The following IQSEC3 variants were observed in gnomAD, a reference collection of about 807,000 sequenced individuals.
The protein encoded by IQSEC3 is IQ motif and SEC7 domain-containing protein 3.
IQSEC3 carries 50 observed loss-of-function variants against 105.4 expected under a neutral mutation model. That is an observed-to-expected ratio of 0.47 (90% CI 0.38 to 0.60). The LOEUF (loss-of-function observed/expected upper bound fraction) is 0.60. Ranked by LOEUF, IQSEC3 falls within the 20% of genes least tolerant of loss-of-function variation. IQSEC3 has a pLI of 0.00. For missense variants in IQSEC3, 1,415 were observed against 1,630.0 expected, an observed-to-expected ratio of 0.87 and a Z score of 2.27; for synonymous variants, 708 against 746.0, an observed-to-expected ratio of 0.95 and a Z score of 0.83.
At position 174,871 on chromosome 12, in the gene IQSEC3, C is replaced by T. The variant is rs771738070; in HGVS notation, c.3387C>T (p.Cys1129=). Residue 1129 remains cysteine (C), a synonymous_variant, in exon 14 of 14, where the codon TGC becomes TGT. Coordinates refer to ENST00000538872, the MANE Select transcript of IQSEC3 (RefSeq NM_001170738.2). Reference sequence around the variant, plus strand: ...ACACCTCGTCGTCCTCTGACTCCTGCGGCTCCACACCCCTGGGCGGTCCCG... The same window carrying T: ...ACACCTCGTCGTCCTCTGACTCCTGTGGCTCCACACCCCTGGGCGGTCCCG... The part of the protein sequence containing the change: ...SCYTSSSSDS[C]GSTPLGGPGS... 6.5e-5 allele frequency: 103 copies of T among 1,576,994 alleles called. No individual in the cohort carries two copies. In the African/African-American group the frequency reaches 1.2e-3, roughly 18 times the overall value.
At chr12:110,230 T>G (rs1429291466) in intron 2 of IQSEC3, among the ~76,000 whole-genome samples, 2 of 152,198 alleles carry the variant, frequency 1.3e-5, no homozygotes, top group Non-Finnish European at 2.9e-5. Flanking sequence ...CTTCCCTCAG[T>G]AATTCCTTAA....
intron 3 of IQSEC3, among the ~76,000 whole-genome samples, chr12:130,092 G>T (rs141223778): frequency 6.6e-6 from 1 of 152,152 alleles, no homozygotes; most frequent in Non-Finnish European, 1.5e-5. Flanking sequence ...CCCTCTCCCC[G>T]GTTCATTCAG....
At position 169,074 on chromosome 12, in the gene IQSEC3, G is replaced by A. The variant is rs1274277703; in HGVS notation, c.3033G>A (p.Gly1011=). The A allele has an allele frequency of 1.9e-6, 3 of 1,613,882 alleles. No individual in the cohort carries two copies. The highest frequency in any genetic ancestry group is 2.2e-5 in the East Asian group (1 of 44,888). The part of the protein sequence containing the change: ...TLSFKPCGAQ[G]DPQSKQGSPT... The stretch of plus-strand genomic sequence containing the variant: ...CCTTCAAGCCCTGCGGAGCCCAGGG[G>A]GACCCACAGTCAAAGCAAGGATCGC... Residue 1011 remains glycine (G), a synonymous_variant, in exon 12 of 14, where the codon GGG becomes GGA. Transcript: ENST00000538872.
intron 1 of IQSEC3, among the ~76,000 whole-genome samples, chr12:84,359 T>C (rs1049986902): frequency 6.6e-6 from 1 of 152,200 alleles, no homozygotes; most frequent in Non-Finnish European, 1.5e-5. Flanking sequence ...GTGGCCCATA[T>C]GGTCAGGAGG....
rs1362868847 is a variant in IQSEC3, at chr12:174,750, C to A, written c.3266C>A (p.Thr1089Asn). 2.5e-6 allele frequency: 4 copies of A among 1,592,046 alleles called. No homozygotes were observed. Among genetic ancestry groups the A allele is most frequent in the East Asian group, 2.2e-5 (1 of 44,742 alleles). The change falls in exon 14 of 14, where the codon ACC becomes AAC. Residue 1089 changes from threonine (T) to asparagine (N), a missense_variant. Thr to Asn is a moderately conservative substitution (Grantham distance 65). Coordinates refer to ENST00000538872, the MANE Select transcript of IQSEC3 (RefSeq NM_001170738.2). The part of the protein sequence containing the change: ...LPPPPPTPPG[T>N]LVQCQQIVKV... ...CCGCCGCCACCCACGCCCCCGGGCA[C>A]CCTGGTGCAGTGCCAGCAAATTGTC...
intron 5 of IQSEC3, 45 bp downstream of exon 5, chr12:141,330 C>T: frequency 6.3e-7 from 1 of 1,584,668 alleles, no homozygotes; most frequent in Non-Finnish European, 8.6e-7. Context: ...TTCCCACACC[C>T]CACCTGCCCG....
chr12:149,643 G>A (rs568706552), intron 5 of IQSEC3, among the ~76,000 whole-genome samples: 10 of 152,338 alleles, frequency 6.6e-5, no homozygotes, highest in East Asian at 1.9e-4. Context: ...CCGTAGCCTC[G>A]TGGGGAAGAC....
Position 138,470 on chromosome 12 carries a change from G to A in IQSEC3, c.1107G>A (p.Ala369=), listed in dbSNP as rs143025838. The A allele has an allele frequency of 5.1e-3, 8,200 of 1,599,994 alleles. 34 individuals are homozygous for A. Among genetic ancestry groups the A allele is most frequent in the South Asian group, 8.7e-3 (783 of 90,480 alleles). Residue 369 remains alanine (A), a synonymous_variant, in exon 4 of 14, where the codon GCG becomes GCA. Transcript: ENST00000538872. This position sits in a 1 kb window ranked among gnomAD's most constrained non-coding sequence, Gnocchi z 7.1. ...PTAESLAAEK[A]LMEGYGLVGL... Reference sequence around the variant, plus strand: ...CCGAGAGCCTGGCGGCCGAGAAAGCGCTCATGGAGGGCTACGGCCTCGTGG... The same window carrying A: ...CCGAGAGCCTGGCGGCCGAGAAAGCACTCATGGAGGGCTACGGCCTCGTGG...
intron 2 of IQSEC3, among the ~76,000 whole-genome samples, chr12:100,512 AG>A: frequency 6.6e-6 from 1 of 152,242 alleles, no homozygotes; most frequent in African/African-American, 2.4e-5. Context: ...TTTGCCTCAT[AG>A]GGGAGCCAGC....
chr12:154,857 G>T (rs1233267473), intron 5 of IQSEC3, among the ~76,000 whole-genome samples: 3 of 151,706 alleles, frequency 2.0e-5, no homozygotes, highest in Non-Finnish European at 4.4e-5. Context: ...TTTCCTCCTT[G>T]CCTGTCCCTC....
At chr12:163,303 CCCCT>C (rs1867001894) in intron 8 of IQSEC3, among the ~76,000 whole-genome samples, 187 bp from the exon 9 acceptor site, 2 of 76,262 alleles carry the variant, frequency 2.6e-5, no homozygotes, top group Non-Finnish European at 5.6e-5. Context: ...CCCCTCCCCT[CCCCT>C]CCCTCCACAG....
rs59241356 is a variant in IQSEC3 at position 167,576 on chromosome 12, G to GAA, written c.2972-1424_2972-1423dup. ...GGAGACAGGGAGGAAAGGAAGCCAG[G>GAA]AAAAAAAAAAAAAAGAAAATGGGCT... On this transcript the variant is annotated intron_variant, in intron 11 of 13. Coordinates refer to ENST00000538872, the MANE Select transcript of IQSEC3 (RefSeq NM_001170738.2). 8.0e-4 allele frequency: 111 copies of GAA among 138,328 alleles called. 2 individuals carry two copies. Among genetic ancestry groups the GAA allele is most frequent in the East Asian group, 1.3e-3 (6 of 4,740 alleles). 8.6% of individuals were successfully genotyped at this position (138,328 alleles called of 1,614,324 possible).
chr12:76,209 G>A (rs904677), intron 1 of IQSEC3, among the ~76,000 whole-genome samples: 25 of 152,336 alleles, frequency 1.6e-4, no homozygotes, highest in African/African-American at 5.5e-4. Context: ...CATTGTGGCC[G>A]TATCTCTGGG....
At chr12:106,208 G>T (rs978407466) in intron 2 of IQSEC3, among the ~76,000 whole-genome samples, 1 of 152,228 alleles carries the variant, frequency 6.6e-6, no homozygotes, top group Non-Finnish European at 1.5e-5. Flanking sequence ...CTTGAGCATG[G>T]TCCATGTGGC....
At position 109,984 on chromosome 12, in the gene IQSEC3, C is replaced by T. The variant is rs151290285; in HGVS notation, c.623+10770C>T. Among the ~76,000 whole-genome samples the T allele has an allele frequency of 8.5e-5, 13 of 152,240 alleles. 1 individual carries two copies. The South Asian group carries it at 1.9e-3, about 22-fold the overall frequency. On this transcript the variant is annotated intron_variant, in intron 2 of 13. Coordinates refer to ENST00000538872, the MANE Select transcript of IQSEC3 (RefSeq NM_001170738.2). ...AATCTGCAAAGATGGACAGCTCTGT[C>T]GAAACAACAAAGATTCAGCAACAAC...
At chr12:89,956 A>G (rs891204868) in intron 1 of IQSEC3, among the ~76,000 whole-genome samples, 85 of 152,258 alleles carry the variant, frequency 5.6e-4, no homozygotes, top group African/African-American at 1.8e-3. Context: ...TTGGAAGGGT[A>G]TATGATAAAT....
At chr12:135,577 C>T (rs1865736405) in intron 3 of IQSEC3, among the ~76,000 whole-genome samples, 1 of 152,192 alleles carries the variant, frequency 6.6e-6, no homozygotes, top group Non-Finnish European at 1.5e-5. Context: ...TGGGACATCA[C>T]TCCAATGATT....
chr12:144,839 C>T (rs1555090524), intron 5 of IQSEC3, among the ~76,000 whole-genome samples: 2 of 152,236 alleles, frequency 1.3e-5, no homozygotes, highest in African/African-American at 2.4e-5. Flanking sequence ...GCAAAGGTTT[C>T]GCTTTTGGTT....
intron 9 of IQSEC3, 125 bp downstream of exon 9, chr12:163,744 C>G (rs2137053776): frequency 1.4e-6 from 1 of 733,540 alleles, no homozygotes. Flanking sequence ...AATGCCTGTT[C>G]CGTGGGACGG....
Sources: allele counts gnomAD v4.1 joint callset (sites outside exome capture counted in the v4.1 genomes callset), GRCh38; gene constraint gnomAD v4.1.1; non-coding constraint Gnocchi (gnomAD v3.1); transcripts MANE v1.5; gene names NCBI Gene and HGNC (gene_info 2026-07-23, HGNC 2026-07-21).